NF1: variants seen among roughly 807,000 people sequenced by gnomAD.
NF1 encodes neurofibromin.
A neutral mutation model predicts 325.7 loss-of-function variants in NF1; 122 were observed. The observed-to-expected ratio is 0.37, with a 90% CI of 0.32 to 0.44. The LOEUF (loss-of-function observed/expected upper bound fraction) is 0.44, where lower values mean the gene tolerates loss of function less well. Ranked by LOEUF, NF1 falls within the 20% of genes least tolerant of loss-of-function variation. NF1 has a pLI of 1.00. For synonymous variants in NF1, 1,091 were observed against 1,186.0 expected, an observed-to-expected ratio of 0.92 and a Z score of 1.65; for missense variants, 2,140 against 3,415.4, an observed-to-expected ratio of 0.63 and a Z score of 9.31.
At chr17:31,271,758 T>A (rs974441292) in intron 36 of NF1, among the ~76,000 whole-genome samples, 4 of 151,584 alleles carry the variant, frequency 2.6e-5, no homozygotes, top group Non-Finnish European at 5.9e-5. Flanking sequence ...CTCAAAAAAA[T>A]AAAAATAAAA....
chr17:31,260,922 C>G (rs926134375), intron 34 of NF1, among the ~76,000 whole-genome samples: 4 of 152,082 alleles, frequency 2.6e-5, no homozygotes, highest in African/African-American at 4.8e-5. Context: ...TCGTGATACT[C>G]TTAAGTATAT....
At chr17:31,230,497 A>C in intron 23 of NF1, 115 bp downstream of exon 23, 1 of 1,297,876 alleles carries the variant, frequency 7.7e-7, no homozygotes, top group African/African-American at 1.5e-5. Context: ...AAAGAGAGCA[A>C]TTTACATGTT....
intron 57 of NF1, among the ~76,000 whole-genome samples, chr17:31,362,871 A>G (rs1310390165): frequency 6.6e-6 from 1 of 152,180 alleles, no homozygotes; most frequent in Non-Finnish European, 1.5e-5. Flanking sequence ...TTTCTCTGCT[A>G]TTTGATTAGT....
At chr17:31,312,663 TTAGAAG>T (rs2068909618) in intron 36 of NF1, among the ~76,000 whole-genome samples, 1 of 152,042 alleles carries the variant, frequency 6.6e-6, no homozygotes, top group African/African-American at 2.4e-5. Context: ...AAACTAAATA[TTAGAAG>T]TAGAAAAATA....
chr17:31,141,376 A>G (rs533865661), intron 1 of NF1, among the ~76,000 whole-genome samples: 2 of 151,668 alleles, frequency 1.3e-5, no homozygotes, highest in East Asian at 1.9e-4. Context: ...AGAGACATCT[A>G]TGTGATTTTA....
chr17:31,105,223 T>C (rs1381605046), intron 1 of NF1, among the ~76,000 whole-genome samples: 1 of 152,190 alleles, frequency 6.6e-6, no homozygotes, highest in Non-Finnish European at 1.5e-5. Flanking sequence ...AGCCACTGAC[T>C]ATATCATCAA....
At chr17:31,343,188 A>C (rs2069872537) in intron 48 of NF1, 53 bp downstream of exon 48, 1 of 1,480,234 alleles carries the variant, frequency 6.8e-7, no homozygotes, top group East Asian at 2.3e-5. Flanking sequence ...AGAAACCAGA[A>C]GTAATTTGAA....
chr17:31,361,081 C>CAAAAAAAAAAAACAAAAAAAAAA (rs2070385656), intron 57 of NF1: 1 of 46,518 alleles, frequency 2.1e-5, no homozygotes, highest in Non-Finnish European at 3.5e-5. Context: ...CATACTATAT[C>CAAAAAAAAAAAACAAAAAAAAAA]AAAAAAAAAA....
intron 1 of NF1, among the ~76,000 whole-genome samples, chr17:31,115,523 T>C (rs1413656443): frequency 6.6e-6 from 1 of 152,244 alleles, no homozygotes; most frequent in Non-Finnish European, 1.5e-5. Context: ...CCCTTGATTC[T>C]CAGGCCTTTG....
At chr17:31,361,942 C>T (rs1268108792) in intron 57 of NF1, among the ~76,000 whole-genome samples, 1 of 152,038 alleles carries the variant, frequency 6.6e-6, no homozygotes, top group South Asian at 2.1e-4. Context: ...ATCCTTTTTT[C>T]CCCCAGAAGT....
intron 1 of NF1, among the ~76,000 whole-genome samples, chr17:31,131,092 G>T (rs1915346984): frequency 6.6e-6 from 1 of 152,220 alleles, no homozygotes; most frequent in Non-Finnish European, 1.5e-5. Flanking sequence ...CTGCCCTGCA[G>T]AGTTCAGGTC....
Position 31,198,628 on chromosome 17 carries a change from T to TGG in NF1, c.889-1788_889-1787dup, listed in dbSNP as rs112694618. On this transcript the variant is annotated intron_variant, in intron 8 of 57. Transcript: ENST00000358273. ...ACTTTTTTTGTTGTTGTTGAGGGGGTGGGGGGGATAGAGTCTTGCTCTTTC... is the reference window on the plus strand; with the variant it reads ...ACTTTTTTTGTTGTTGTTGAGGGGGTGGGGGGGGGATAGAGTCTTGCTCTTTC... Among the ~76,000 whole-genome samples, 281 of 148,908 alleles carry TGG rather than the reference T, an allele frequency of 1.9e-3. 2 individuals are homozygous for TGG. Among genetic ancestry groups the TGG allele is most frequent in the African/African-American group, 6.6e-3 (268 of 40,436 alleles).
rs1131691103 is a variant in NF1 at position 31,327,541 on chromosome 17, A to G, written c.5311A>G (p.Lys1771Glu). The G allele has an allele frequency of 6.2e-7, 1 of 1,614,166 alleles. No individual in the cohort carries two copies. Among genetic ancestry groups the G allele is most frequent in the Non-Finnish European group, 8.5e-7 (1 of 1,180,046 alleles). ...CCAAGTAACTTCAGCAGAGCGAACA[A>G]AAGTCCTAGGGCAATCAGTCTTTCT... is the stretch of plus-strand genomic sequence containing the variant. ...AVQVTSAERT[K>E]VLGQSVFLND... is the part of the protein sequence containing the mutation. Residue 1771 changes from lysine to glutamate, a missense_variant, in exon 38 of 58, where the codon AAA (lysine) becomes GAA (glutamate). Lys to Glu is a moderately conservative substitution (Grantham distance 56, BLOSUM62 1). Coordinates refer to ENST00000358273, the MANE Select transcript of NF1 (RefSeq NM_001042492.3).
chr17:31,348,938 C>T (rs1018238281), intron 48 of NF1, among the ~76,000 whole-genome samples, 182 bp from the exon 49 acceptor site: 3 of 152,080 alleles, frequency 2.0e-5, no homozygotes, highest in Non-Finnish European at 2.9e-5. Flanking sequence ...TAATCTTATA[C>T]ATAATTAATT....
intron 1 of NF1, among the ~76,000 whole-genome samples, chr17:31,120,696 G>A (rs928042113): frequency 3.3e-5 from 5 of 151,822 alleles, no homozygotes; most frequent in Non-Finnish European, 7.4e-5. Context: ...TTTTCAAAGG[G>A]AATGCTTCCA....
At chr17:31,349,282 T>C in intron 49 of NF1, 31 bp downstream of exon 49, 1 of 1,604,698 alleles carries the variant, frequency 6.2e-7, no homozygotes, top group Non-Finnish European at 8.5e-7. Context: ...AAATTAATCT[T>C]GCTACATCTA....
At chr17:31,175,860 T>G (rs1360302876) in intron 5 of NF1, among the ~76,000 whole-genome samples, 4 of 152,238 alleles carry the variant, frequency 2.6e-5, no homozygotes, top group African/African-American at 4.8e-5. Flanking sequence ...ACTTATCCTT[T>G]TCTATGTCAG....
At chr17:31,335,253 A>G (rs2069616914) in intron 40 of NF1, among the ~76,000 whole-genome samples, 1 of 9,444 alleles carries the variant, frequency 1.1e-4, no homozygotes, top group Non-Finnish European at 3.7e-4. Flanking sequence ...AGTTATTTGC[A>G]CAGTCTCCTT....
At chr17:31,230,070 A>G in intron 22 of NF1, 96 bp downstream of exon 22, 1 of 1,512,890 alleles carries the variant, frequency 6.6e-7, no homozygotes, top group East Asian at 2.3e-5. Flanking sequence ...ATAACTGGCC[A>G]TTCTTTACTG....
Sources: gnomAD v4.1 joint callset for allele counts (sites outside exome capture counted in the v4.1 genomes callset) on GRCh38, gnomAD v4.1.1 for gene constraint, MANE v1.5 for transcripts, NCBI Gene and HGNC (gene_info 2026-07-23, HGNC 2026-07-21) for gene names.